MFNG: variants seen among roughly 807,000 people sequenced by gnomAD.
MFNG encodes beta-1,3-N-acetylglucosaminyltransferase manic fringe.
Under a neutral mutation model 34.2 loss-of-function variants are expected in MFNG, and 24 were observed. That is an observed-to-expected ratio of 0.70 (90% confidence interval 0.51 to 0.99). The LOEUF (loss-of-function observed/expected upper bound fraction) is 0.99, where lower values mean the gene tolerates loss of function less well. MFNG is among the 50% of genes least tolerant of loss of function. MFNG has a pLI of 0.00. For synonymous variants in MFNG, 158 were observed against 179.2 expected, an observed-to-expected ratio of 0.88 and a Z score of 0.94; for missense variants, 383 against 424.0, an observed-to-expected ratio of 0.90 and a Z score of 0.85.
chr22:37,474,489 A>T, intron 6 of MFNG, 23 bp downstream of exon 6: 2 of 1,612,232 alleles, frequency 1.2e-6, no homozygotes, highest in Non-Finnish European at 1.7e-6. Context: ...CCCATTTGCC[A>T]CCTGCCCCCA....
intron 5 of MFNG, 119 bp downstream of exon 5, chr22:37,476,777 A>G (rs1488464569): frequency 4.8e-6 from 4 of 833,512 alleles, no homozygotes; most frequent in Admixed American, 2.1e-5. Context: ...GACACACGCA[A>G]ATGAGGAGCA....
At position 37,474,656 on chromosome 22, in the gene MFNG, T is replaced by C. The variant is rs1440711325; in HGVS notation, c.669A>G (p.Thr223=). The part of the protein sequence containing the change: ...PWASGSRFMD[T]SALIRLPDDC... ...CATCAGGCAGCCGGATGAGAGCAGATGTGTCCATGAAACGGGAGCCACTGA... is the reference window on the plus strand; with the variant it reads ...CATCAGGCAGCCGGATGAGAGCAGACGTGTCCATGAAACGGGAGCCACTGA... Residue 223 remains threonine (T), a synonymous_variant, in exon 6 of 8, where the codon ACA becomes ACG. Coordinates refer to ENST00000356998, the MANE Select transcript of MFNG (RefSeq NM_002405.4). 2 of 1,608,538 alleles carry C rather than the reference T, an allele frequency of 1.2e-6. No homozygotes were observed. The highest frequency in any genetic ancestry group is 1.3e-5 in the African/African-American group (1 of 74,888).
At position 37,484,971 on chromosome 22, in the gene MFNG, ATGTG is replaced by A. The variant is rs71764174; in HGVS notation, c.255+948_255+951del. Among the ~76,000 whole-genome samples, 694 of 148,502 alleles carry A rather than the reference ATGTG, an allele frequency of 4.7e-3. 7 individuals are homozygous for A. The highest frequency in any genetic ancestry group is 0.016 in the African/African-American group (630 of 40,466). On this transcript the variant is annotated intron_variant, in intron 1 of 7. Transcript: ENST00000356998. ...GAGCCAGCCGCCAAAGAGGGGACCG[ATGTG>A]TGTGTGTGTGTGTGTGTGTGTGTAC...
intron 5 of MFNG, among the ~76,000 whole-genome samples, chr22:37,475,578 C>CAGGCATGGACTTCAACTGGCCGCGT (rs1922001692): frequency 2.0e-5 from 3 of 152,148 alleles, no homozygotes; most frequent in Non-Finnish European, 4.4e-5. Flanking sequence ...AACAGAGTCC[C>CAGGCATGGACTTCAACTGGCCGCGT]AGGCATGGAC....
rs200695426 is a variant in MFNG, at chr22:37,486,083, G to A, written c.95C>T (p.Pro32Leu). 1.5e-5 allele frequency: 24 copies of A among 1,613,634 alleles called. No individual in the cohort carries two copies. The highest frequency in any genetic ancestry group is 6.7e-5 in the Admixed American group (4 of 60,006). The change falls in exon 1 of 8, where the codon CCG becomes CTG. Residue 32 changes from proline (P) to leucine (L), a missense_variant. Transcript: ENST00000356998. The part of the protein sequence containing the change: ...LCLRYHLNLS[P>L]QRVQGTPELS... ...CTCGGGGGTCCCTTGTACCCGCTGCGGGGACAGGTTCAAGTGGTACCGCAG... is the reference window on the plus strand; with the variant it reads ...CTCGGGGGTCCCTTGTACCCGCTGCAGGGACAGGTTCAAGTGGTACCGCAG...
chr22:37,481,931 G>A (rs866690748), intron 1 of MFNG, among the ~76,000 whole-genome samples: 1 of 152,176 alleles, frequency 6.6e-6, no homozygotes, highest in African/African-American at 2.4e-5. Context: ...AAGAGTCCCC[G>A]CCTTGATCCT....
intron 2 of MFNG, 81 bp from the exon 3 acceptor site, chr22:37,480,380 G>T (rs1054190347): frequency 1.8e-6 from 2 of 1,118,620 alleles, no homozygotes; most frequent in African/African-American, 1.6e-5. Flanking sequence ...GAGCAAGGCT[G>T]GGCAACAGGG....
At chr22:37,476,642 C>T (rs532937330) in intron 5 of MFNG, among the ~76,000 whole-genome samples, 3 of 152,294 alleles carry the variant, frequency 2.0e-5, no homozygotes, top group African/African-American at 4.8e-5. Context: ...GTCCATGTGC[C>T]GACGGGGGGA....
At chr22:37,479,991 C>T (rs778129802) in intron 3 of MFNG, among the ~76,000 whole-genome samples, 2 of 151,764 alleles carry the variant, frequency 1.3e-5, no homozygotes, top group Non-Finnish European at 2.9e-5. Context: ...GCAAGAAGAA[C>T]GATACTCTGT....
In MFNG at chr22:37,481,139, G is replaced by A. The variant is rs79728591; in HGVS notation, c.256-370C>T. The A allele has an allele frequency of 5.0e-3, 1,320 of 262,212 alleles. 34 individuals are homozygous for A. Among genetic ancestry groups the A allele is most frequent in the East Asian group, 0.044 (489 of 11,046 alleles). The allele number at this position is 262,212 out of a possible 1,614,324, so 16.2% of individuals were successfully genotyped here. ...TGCACTCGGCTCCTCCACAATCACA[G>A]AACACAATCTTAAACCCATTTTCAG... On this transcript the variant is annotated intron_variant, in intron 1 of 7. Coordinates refer to ENST00000356998, the MANE Select transcript of MFNG (RefSeq NM_002405.4).
At chr22:37,479,537 G>A (rs755849220) in intron 3 of MFNG, 39 bp from the exon 4 acceptor site, 1 of 1,604,682 alleles carries the variant, frequency 6.2e-7, no homozygotes, top group Non-Finnish European at 8.5e-7. Context: ...TTGTTGGGGG[G>A]GTTCCAAGCC....
rs1922356941 is a variant in MFNG, at chr22:37,482,710, G to A, written c.256-1941C>T. On this transcript the variant is annotated intron_variant, in intron 1 of 7. Transcript: ENST00000356998. This position sits in a 1 kb window ranked among gnomAD's most constrained non-coding sequence, Gnocchi z 4.1. Reference sequence around the variant, plus strand: ...TCCCCGTCTCTTCCACCAGACGATGGCATCCTGGAGACCACAGGCTGGGTC... The same window carrying A: ...TCCCCGTCTCTTCCACCAGACGATGACATCCTGGAGACCACAGGCTGGGTC... 6.6e-6 allele frequency among the ~76,000 whole-genome samples: 1 copy of A among 152,158 alleles called. No individual in the cohort carries two copies.
intron 6 of MFNG, 54 bp from the exon 7 acceptor site, chr22:37,472,582 G>A: frequency 6.7e-7 from 1 of 1,482,646 alleles, no homozygotes; most frequent in East Asian, 2.6e-5. Flanking sequence ...TCCCCACAAG[G>A]GGGCAGCATC....
chr22:37,473,434 A>G (rs1435369997), intron 6 of MFNG, among the ~76,000 whole-genome samples: 2 of 152,064 alleles, frequency 1.3e-5, no homozygotes, highest in Non-Finnish European at 2.9e-5. Flanking sequence ...ATCTCAAAAA[A>G]AAAAAGAAGG....
In MFNG at chr22:37,486,091, G is replaced by T; in HGVS notation, c.87C>A (p.Asn29Lys). ...TCCCTTGTACCCGCTGCGGGGACAGGTTCAAGTGGTACCGCAGACACAGGA... is the reference window on the plus strand; with the variant it reads ...TCCCTTGTACCCGCTGCGGGGACAGTTTCAAGTGGTACCGCAGACACAGGA... ...MGLLCLRYHL[N>K]LSPQRVQGTP... Residue 29 changes from asparagine (N) to lysine (K), a missense_variant, in exon 1 of 8, where the codon AAC becomes AAA. Coordinates refer to ENST00000356998, the MANE Select transcript of MFNG (RefSeq NM_002405.4). 1 of 1,613,422 alleles carries T rather than the reference G, an allele frequency of 6.2e-7. No homozygotes were observed. Among genetic ancestry groups the T allele is most frequent in the South Asian group, 1.1e-5 (1 of 91,054 alleles).
chr22:37,485,853 A>G lies in MFNG; in HGVS notation c.255+70T>C. 6.6e-7 allele frequency: 1 copy of G among 1,526,504 alleles called. No individual in the cohort carries two copies. 94.6% of individuals were successfully genotyped at this position (1,526,504 alleles called of 1,614,324 possible). On this transcript the variant is annotated intron_variant, in intron 1 of 7. Transcript: ENST00000356998. This position sits in a 1 kb window ranked among gnomAD's most constrained non-coding sequence, Gnocchi z 5.3. ...ATGAGGCAGTCAGGGACCCCAGCCC[A>G]GTAGAAAGGCCTCTGAGAACCCCTT...
intron 1 of MFNG, among the ~76,000 whole-genome samples, chr22:37,481,962 G>A (rs943783460): frequency 2.0e-5 from 3 of 152,230 alleles, no homozygotes; most frequent in Non-Finnish European, 4.4e-5. Flanking sequence ...ATCTACAAAA[G>A]GGGGATAGTA....
intron 1 of MFNG, 44 bp from the exon 2 acceptor site, chr22:37,480,813 G>A (rs1254042863): frequency 6.4e-7 from 1 of 1,571,266 alleles, no homozygotes; most frequent in Admixed American, 1.7e-5. Context: ...CGGCCCAAGG[G>A]ACACCCCAGA....
chr22:37,475,355 C>G (rs1302763988), intron 5 of MFNG, among the ~76,000 whole-genome samples: 1 of 152,168 alleles, frequency 6.6e-6, no homozygotes, highest in African/African-American at 2.4e-5. Flanking sequence ...TCCTGAATAG[C>G]TGGGACTACA....
Sources: allele counts gnomAD v4.1 joint callset (sites outside exome capture counted in the v4.1 genomes callset), GRCh38; gene constraint gnomAD v4.1.1; non-coding constraint Gnocchi (gnomAD v3.1); transcripts MANE v1.5; gene names NCBI Gene and HGNC (gene_info 2026-07-23, HGNC 2026-07-21).